The following ST6GALNAC3 variants were observed in gnomAD, a reference collection of about 807,000 sequenced individuals.
ST6GALNAC3 encodes the protein alpha-N-acetylgalactosaminide alpha-2,6-sialyltransferase 3.
ST6GALNAC3 carries 25 observed loss-of-function variants against 32.7 expected under a neutral mutation model. The observed-to-expected ratio is 0.76, with a 90% confidence interval of 0.56 to 1.07. ST6GALNAC3 has a LOEUF of 1.07. Ranked by LOEUF, ST6GALNAC3 falls within the 50% of genes least tolerant of loss-of-function variation. The pLI, the probability that ST6GALNAC3 is intolerant of heterozygous loss-of-function variation, is 0.00. For missense variants in ST6GALNAC3, 355 were observed against 382.4 expected (o/e 0.93, Z 0.60); for synonymous variants, 129 against 133.1 (o/e 0.97, Z 0.21).
At chr1:76,605,954 TA>T (rs200158675) in intron 3 of ST6GALNAC3, among the ~76,000 whole-genome samples, 1 of 144,716 alleles carries the variant, frequency 6.9e-6, no homozygotes, top group South Asian at 2.2e-4. Flanking sequence ...AAAAACCATG[TA>T]AAAAACAGTT....
At chr1:76,184,187 G>A (rs1365491330) in intron 1 of ST6GALNAC3, among the ~76,000 whole-genome samples, 1 of 151,956 alleles carries the variant, frequency 6.6e-6, no homozygotes, top group African/African-American at 2.4e-5. Flanking sequence ...TCTTTGAGAG[G>A]ATCAGTTCTG....
chr1:76,413,145 T>G (rs1654383385), intron 3 of ST6GALNAC3: 1 of 190,884 alleles, frequency 5.2e-6, no homozygotes, highest in African/African-American at 2.4e-5. Context: ...CTTCTCCTAT[T>G]TCCTCTGTTT....
At chr1:76,312,680 C>A (rs1211353451) in intron 1 of ST6GALNAC3, among the ~76,000 whole-genome samples, 2 of 152,092 alleles carry the variant, frequency 1.3e-5, no homozygotes, top group East Asian at 3.9e-4. Context: ...CAACTGTCCC[C>A]TTTAACAAAA....
At chr1:76,188,952 C>T (rs374356400) in intron 1 of ST6GALNAC3, among the ~76,000 whole-genome samples, 55 of 152,276 alleles carry the variant, frequency 3.6e-4, no homozygotes, top group African/African-American at 1.2e-3. Context: ...ACTTTGTAAT[C>T]CTGCTGGAAG....
chr1:76,429,446 T>A (rs1233028250), intron 3 of ST6GALNAC3, among the ~76,000 whole-genome samples: 1 of 152,176 alleles, frequency 6.6e-6, no homozygotes, highest in Non-Finnish European at 1.5e-5. Context: ...TTTATATCTA[T>A]ATCATAATAT....
At chr1:76,463,962 C>T (rs967323282) in intron 3 of ST6GALNAC3, among the ~76,000 whole-genome samples, 3 of 152,126 alleles carry the variant, frequency 2.0e-5, no homozygotes, top group Non-Finnish European at 4.4e-5. Context: ...TGTCTCTCTA[C>T]TAAAAGTCAC....
At chr1:76,136,074 C>G (rs1285691420) in intron 1 of ST6GALNAC3, among the ~76,000 whole-genome samples, 1 of 152,178 alleles carries the variant, frequency 6.6e-6, no homozygotes, top group African/African-American at 2.4e-5. Flanking sequence ...GCACCGCCCA[C>G]CTCTAACAGG....
intron 2 of ST6GALNAC3, among the ~76,000 whole-genome samples, chr1:76,399,916 C>A (rs1488543067): frequency 1.3e-5 from 2 of 151,984 alleles, no homozygotes; most frequent in South Asian, 2.1e-4. Context: ...TTGTATCTAG[C>A]AATCCTAACT....
intron 1 of ST6GALNAC3, among the ~76,000 whole-genome samples, chr1:76,121,169 A>G (rs1648848346): frequency 6.6e-6 from 1 of 152,214 alleles, no homozygotes; most frequent in African/African-American, 2.4e-5. Context: ...TCCCTTTGGC[A>G]TGGAAAGTAA....
chr1:76,382,923 G>A (rs139261193), intron 2 of ST6GALNAC3, among the ~76,000 whole-genome samples: 2 of 152,084 alleles, frequency 1.3e-5, no homozygotes, highest in Non-Finnish European at 2.9e-5. Flanking sequence ...TGGACCCTAA[G>A]CAGCATAACT....
intron 3 of ST6GALNAC3, among the ~76,000 whole-genome samples, chr1:76,482,139 TACACACACACAC>T (rs368648490): frequency 2.0e-5 from 3 of 147,022 alleles, no homozygotes; most frequent in Non-Finnish European, 3.0e-5. Context: ...AAATTTTCTT[TACACACACACAC>T]ACACACACAC....
intron 3 of ST6GALNAC3, among the ~76,000 whole-genome samples, chr1:76,500,381 T>G (rs1424817270): frequency 6.6e-6 from 1 of 152,220 alleles, no homozygotes; most frequent in Non-Finnish European, 1.5e-5. Context: ...ACTGGCAATT[T>G]TATCACAAAC....
At chr1:76,293,580 T>C (rs917665885) in intron 1 of ST6GALNAC3, among the ~76,000 whole-genome samples, 7 of 152,186 alleles carry the variant, frequency 4.6e-5, no homozygotes, top group Admixed American at 4.6e-4. Context: ...AAGGCAGGTG[T>C]CCTTTCCTGT....
chr1:76,367,123 T>G (rs569613250), intron 2 of ST6GALNAC3, among the ~76,000 whole-genome samples: 3 of 152,320 alleles, frequency 2.0e-5, no homozygotes, highest in Middle Eastern at 6.8e-3. Context: ...AAATAGGAGT[T>G]AATACCAAAA....
At chr1:76,389,619 T>TA (rs1652381138) in intron 2 of ST6GALNAC3, among the ~76,000 whole-genome samples, 1 of 152,238 alleles carries the variant, frequency 6.6e-6, no homozygotes, top group African/African-American at 2.4e-5. Context: ...TTACCACAAA[T>TA]ATGTTTTTAA....
chr1:76,561,277 A>T (rs1448606067), intron 3 of ST6GALNAC3, among the ~76,000 whole-genome samples: 1 of 151,974 alleles, frequency 6.6e-6, no homozygotes, highest in Non-Finnish European at 1.5e-5. Flanking sequence ...ATGAATAAGA[A>T]ATGGTGTTTG....
At chr1:76,157,247 G>A (rs949385092) in intron 1 of ST6GALNAC3, among the ~76,000 whole-genome samples, 2 of 152,154 alleles carry the variant, frequency 1.3e-5, no homozygotes, top group Non-Finnish European at 2.9e-5. Flanking sequence ...TCACACTGAC[G>A]TTTCCAGCTC....
chr1:76,166,432 T>C (rs150175438), intron 1 of ST6GALNAC3, among the ~76,000 whole-genome samples: 123 of 152,310 alleles, frequency 8.1e-4, no homozygotes, highest in African/African-American at 2.8e-3. Context: ...TCCAGTAGCA[T>C]GATGTGTCCA....
At chr1:76,489,954 G>A (rs568538905) in intron 3 of ST6GALNAC3, among the ~76,000 whole-genome samples, 1 of 152,148 alleles carries the variant, frequency 6.6e-6, no homozygotes, top group African/African-American at 2.4e-5. Context: ...GGTAGCTGGA[G>A]GGCACATACC....
Sources: allele counts gnomAD v4.1 joint callset (sites outside exome capture counted in the v4.1 genomes callset), GRCh38; gene constraint gnomAD v4.1.1; transcripts MANE v1.5; gene names NCBI Gene and HGNC (gene_info 2026-07-23, HGNC 2026-07-21).